Variants in SOX5 observed in about 807,000 individuals in gnomAD.
The protein encoded by SOX5 is SRY-box transcription factor 5.
A neutral mutation model predicts 92.0 loss-of-function variants in SOX5; 9 were observed. The ratio of observed to expected loss-of-function variants is 0.10; its 90% CI spans 0.06 to 0.17. The LOEUF (loss-of-function observed/expected upper bound fraction) is 0.17. SOX5 is among the 10% of genes least tolerant of loss of function. SOX5 has a pLI of 1.00. For missense variants in SOX5, 642 were observed against 944.5 expected (o/e 0.68, Z 4.20); for synonymous variants, 344 against 336.3 (o/e 1.02, Z -0.25).
chr12:23,704,865 A>G (rs1051579480), intron 6 of SOX5, among the ~76,000 whole-genome samples: 8 of 149,864 alleles, frequency 5.3e-5, no homozygotes, highest in Non-Finnish European at 1.2e-4. Context: ...ACAATTCACT[A>G]TGGAAATTCT....
At chr12:23,541,751 G>C (rs1942091672) in intron 13 of SOX5, among the ~76,000 whole-genome samples, 1 of 152,090 alleles carries the variant, frequency 6.6e-6, no homozygotes, top group Admixed American at 6.5e-5. Flanking sequence ...GGTTTGTTTT[G>C]ATCCCATTAC....
intron 2 of SOX5, among the ~76,000 whole-genome samples, chr12:23,847,373 C>T (rs1174159555): frequency 6.6e-6 from 1 of 152,056 alleles, no homozygotes; most frequent in Non-Finnish European, 1.5e-5. Context: ...TCTTCTCTAC[C>T]TATTTGAGAC....
At chr12:24,222,650 G>C (rs1960768007) in intron 3 of SOX5, among the ~76,000 whole-genome samples, 2 of 152,178 alleles carry the variant, frequency 1.3e-5, no homozygotes. Flanking sequence ...AACTAGTTCT[G>C]AACTGAAGGA....
At chr12:23,595,607 A>G (rs1435721420) in intron 9 of SOX5, among the ~76,000 whole-genome samples, 1 of 119,138 alleles carries the variant, frequency 8.4e-6, no homozygotes, top group East Asian at 2.9e-4. Context: ...CCACAGAGTG[A>G]GACTCTGCCT....
chr12:24,056,765 G>A (rs914814499), intron 4 of SOX5, among the ~76,000 whole-genome samples: 1 of 151,304 alleles, frequency 6.6e-6, no homozygotes, highest in African/African-American at 2.4e-5. Flanking sequence ...CACGAGGTCA[G>A]GAGATCGAGA....
At chr12:24,493,163 T>C (rs919455423) in intron 1 of SOX5, among the ~76,000 whole-genome samples, 3 of 152,310 alleles carry the variant, frequency 2.0e-5, no homozygotes, top group African/African-American at 7.2e-5. Flanking sequence ...TTTCATACTA[T>C]GGGATTTTAT....
intron 4 of SOX5, among the ~76,000 whole-genome samples, chr12:24,005,487 TTCTC>T (rs1354925015): frequency 1.3e-5 from 2 of 152,182 alleles, no homozygotes; most frequent in African/African-American, 2.4e-5. Flanking sequence ...GCATCTACAA[TTCTC>T]TCTGTCTGGC....
chr12:24,454,540 T>C (rs1205530114), intron 1 of SOX5, among the ~76,000 whole-genome samples: 6 of 152,202 alleles, frequency 3.9e-5, no homozygotes, highest in African/African-American at 1.4e-4. Flanking sequence ...TAGTAACAGA[T>C]GCACAAGTAT....
intron 6 of SOX5, among the ~76,000 whole-genome samples, chr12:23,675,659 A>G (rs1477071502): frequency 1.3e-5 from 2 of 152,178 alleles, no homozygotes; most frequent in African/African-American, 4.8e-5. Context: ...ATATCATACC[A>G]AAAGCTCAGG....
intron 4 of SOX5, among the ~76,000 whole-genome samples, chr12:24,085,579 T>C (rs1167978983): frequency 6.6e-6 from 1 of 152,100 alleles, no homozygotes; most frequent in Non-Finnish European, 1.5e-5. Context: ...GGCTATAATA[T>C]ATACGTGTGC....
intron 2 of SOX5, among the ~76,000 whole-genome samples, chr12:24,311,912 G>T (rs1446245967): frequency 6.6e-6 from 1 of 151,902 alleles, no homozygotes; most frequent in African/African-American, 2.4e-5. Context: ...CTTCATCCTA[G>T]GCAAATATTT....
intron 8 of SOX5, among the ~76,000 whole-genome samples, chr12:23,635,120 T>G (rs1343174446): frequency 6.6e-6 from 1 of 152,166 alleles, no homozygotes; most frequent in Non-Finnish European, 1.5e-5. Context: ...CGGGAACTAC[T>G]TTAAGCCAGA....
At chr12:24,532,776 T>C (rs1951306578) in intron 1 of SOX5, among the ~76,000 whole-genome samples, 1 of 152,200 alleles carries the variant, frequency 6.6e-6, no homozygotes, top group African/African-American at 2.4e-5. Context: ...CAAGAATCTG[T>C]TCCTAAATGA....
chr12:23,551,657 C>G (rs1462133910), intron 11 of SOX5, among the ~76,000 whole-genome samples: 2 of 151,782 alleles, frequency 1.3e-5, no homozygotes, highest in African/African-American at 4.8e-5. Context: ...TTTAATAATC[C>G]TTGAAGAAAA....
intron 8 of SOX5, among the ~76,000 whole-genome samples, chr12:23,630,492 G>A (rs981693167): frequency 2.6e-5 from 4 of 151,798 alleles, no homozygotes; most frequent in African/African-American, 4.8e-5. Context: ...GCTCTGAAAC[G>A]TAAGGAAAGT....
At chr12:24,145,573 T>A (rs1210295604) in intron 4 of SOX5, among the ~76,000 whole-genome samples, 1 of 152,200 alleles carries the variant, frequency 6.6e-6, no homozygotes, top group Non-Finnish European at 1.5e-5. Context: ...CTCGGCTCAC[T>A]GCAGCCTCAA....
chr12:24,362,027 A>G (rs1275516987), intron 2 of SOX5, among the ~76,000 whole-genome samples: 2 of 152,184 alleles, frequency 1.3e-5, no homozygotes. Context: ...CATTGGCTTT[A>G]CTGCTTCTGT....
At position 24,130,648 on chromosome 12, in the gene SOX5, G is replaced by T. The variant is rs185439714; in HGVS notation, c.-2+82695C>A. ...GACAAAGAGAAGAGAAAAGGAGACA[G>T]GGTCCAGCACCTTCAGGAGAACAGA... is the stretch of plus-strand genomic sequence containing the variant. On this transcript the variant is annotated intron_variant, in intron 4 of 4. Coordinates refer to the SOX5 transcript ENST00000446891. Among the ~76,000 whole-genome samples, 11 of 152,308 alleles carry T rather than the reference G, an allele frequency of 7.2e-5. No individual in the cohort carries two copies. In the East Asian group the frequency reaches 2.1e-3, roughly 29 times the overall value.
intron 1 of SOX5, among the ~76,000 whole-genome samples, chr12:24,461,173 A>G (rs1354414360): frequency 2.0e-5 from 3 of 152,204 alleles, no homozygotes; most frequent in African/African-American, 4.8e-5. Context: ...GCATTGATAC[A>G]TACTGAATTT....
Sources: allele counts gnomAD v4.1 joint callset (sites outside exome capture counted in the v4.1 genomes callset), GRCh38; gene constraint gnomAD v4.1.1; transcripts MANE v1.5; gene names NCBI Gene and HGNC (gene_info 2026-07-23, HGNC 2026-07-21).